NCKAP5: variants seen among roughly 807,000 people sequenced by gnomAD.
The protein encoded by NCKAP5 is nck-associated protein 5.
In NCKAP5, 92 loss-of-function variants were observed where a neutral mutation model predicts 167.0. The observed-to-expected ratio is 0.55, with a 90% CI of 0.47 to 0.66. The LOEUF (loss-of-function observed/expected upper bound fraction) is 0.66. Among genes scored for constraint, NCKAP5 ranks in the 30% least tolerant of loss-of-function variants. NCKAP5 has a pLI of 0.00. For synonymous variants in NCKAP5, 891 were observed against 877.4 expected (o/e 1.02, Z -0.27); for missense variants, 2,378 against 2,315.0 (o/e 1.03, Z -0.56).
At chr2:133,229,894 A>G (rs1444385998) in intron 4 of NCKAP5, among the ~76,000 whole-genome samples, 1 of 152,110 alleles carries the variant, frequency 6.6e-6, no homozygotes, top group African/African-American at 2.4e-5. Flanking sequence ...GCTTGAGTTC[A>G]GACTCCCAGC....
chr2:133,111,776 C>T (rs563083417), intron 6 of NCKAP5, among the ~76,000 whole-genome samples: 9 of 152,286 alleles, frequency 5.9e-5, no homozygotes, highest in Admixed American at 3.3e-4. Context: ...CTCATTCACA[C>T]TGGGCTGTGA....
At chr2:132,992,266 A>G (rs2077471275) in intron 7 of NCKAP5, among the ~76,000 whole-genome samples, 1 of 152,216 alleles carries the variant, frequency 6.6e-6, no homozygotes, top group Non-Finnish European at 1.5e-5. Context: ...TGGGTTATGG[A>G]GAGGTAATAG....
At chr2:133,571,036 A>G (rs1475923598), upstream of NCKAP5, among the ~76,000 whole-genome samples, 1 of 152,194 alleles carries the variant, frequency 6.6e-6, no homozygotes, top group Non-Finnish European at 1.5e-5. Flanking sequence ...AAGAAAAAGA[A>G]TGACTGAAAA....
chr2:133,575,689 G>A, the NCKAP5 span, among the ~76,000 whole-genome samples: 1 of 152,336 alleles, frequency 6.6e-6, no homozygotes, highest in East Asian at 1.9e-4. Flanking sequence ...CTCAGAGGGT[G>A]ATGTCCCTGG....
chr2:133,389,899 G>C (rs1332189332), intron 3 of NCKAP5, among the ~76,000 whole-genome samples: 4 of 152,250 alleles, frequency 2.6e-5, no homozygotes, highest in East Asian at 3.9e-4. Context: ...AAACTGAAAT[G>C]AACCTTCAGA....
intron 4 of NCKAP5, among the ~76,000 whole-genome samples, chr2:133,252,848 G>A (rs555751128): frequency 2.6e-5 from 4 of 152,166 alleles, no homozygotes; most frequent in East Asian, 1.9e-4. Flanking sequence ...GGCAGAATTC[G>A]TTCCAATGTC....
intron 4 of NCKAP5, among the ~76,000 whole-genome samples, chr2:133,245,947 A>G (rs1449715775): frequency 6.6e-6 from 1 of 152,036 alleles, no homozygotes; most frequent in Non-Finnish European, 1.5e-5. Context: ...CAGACACTAA[A>G]CAATTATAAT....
intron 3 of NCKAP5, among the ~76,000 whole-genome samples, chr2:133,364,851 C>G (rs1450982538): frequency 6.6e-6 from 1 of 151,826 alleles, no homozygotes; most frequent in Non-Finnish European, 1.5e-5. Context: ...GCCTCCCAGG[C>G]TCAAGCAATG....
chr2:132,924,143 G>T (rs960007903), intron 8 of NCKAP5, among the ~76,000 whole-genome samples: 2 of 152,190 alleles, frequency 1.3e-5, no homozygotes, highest in Non-Finnish European at 2.9e-5. Flanking sequence ...CCTGGGCAGA[G>T]GCTTTTACAG....
intron 3 of NCKAP5, among the ~76,000 whole-genome samples, chr2:133,367,228 G>T (rs1322870978): frequency 6.6e-6 from 1 of 152,102 alleles, no homozygotes; most frequent in Admixed American, 6.5e-5. Context: ...TGACCTCCTT[G>T]GTATCATGGA....
At chr2:133,010,559 G>C (rs982961268) in intron 6 of NCKAP5, among the ~76,000 whole-genome samples, 3 of 152,170 alleles carry the variant, frequency 2.0e-5, no homozygotes, top group Admixed American at 6.5e-5. Context: ...GGGTGCTCAG[G>C]TTTCCTTTAG....
At chr2:133,304,308 T>C (rs1275372027) in intron 3 of NCKAP5, among the ~76,000 whole-genome samples, 5 of 152,218 alleles carry the variant, frequency 3.3e-5, no homozygotes, top group Non-Finnish European at 5.9e-5. Context: ...AAAAGCCTTT[T>C]TTACCTTCCC....
At chr2:132,677,151 A>T (rs949017504) in intron 19 of NCKAP5, among the ~76,000 whole-genome samples, 8 of 152,148 alleles carry the variant, frequency 5.3e-5, no homozygotes, top group Admixed American at 5.2e-4. Context: ...ATTATGATAA[A>T]ATTAATATAC....
At chr2:133,070,010 G>A (rs985674112) in intron 6 of NCKAP5, among the ~76,000 whole-genome samples, 19 of 152,040 alleles carry the variant, frequency 1.2e-4, no homozygotes, top group East Asian at 5.8e-4. Context: ...TTGGATAGAC[G>A]AACTTTGAAA....
At chr2:133,356,430 C>T (rs898716729) in intron 3 of NCKAP5, among the ~76,000 whole-genome samples, 6 of 152,062 alleles carry the variant, frequency 3.9e-5, no homozygotes, top group African/African-American at 1.4e-4. Context: ...ATTTAATCCC[C>T]ATTTTCTCCA....
At chr2:132,693,195 G>A (rs1177558185) in intron 19 of NCKAP5, among the ~76,000 whole-genome samples, 1 of 152,140 alleles carries the variant, frequency 6.6e-6, no homozygotes, top group African/African-American at 2.4e-5. Flanking sequence ...ACTCTCATGG[G>A]TTGAACTAGG....
chr2:133,230,207 G>C (rs2087079446), intron 4 of NCKAP5, among the ~76,000 whole-genome samples: 1 of 152,118 alleles, frequency 6.6e-6, no homozygotes, highest in Non-Finnish European at 1.5e-5. Context: ...CCTTGGAGCA[G>C]AGCAGCTGAC....
At chr2:133,465,262 G>A (rs1262674272) in intron 3 of NCKAP5, among the ~76,000 whole-genome samples, 1 of 149,362 alleles carries the variant, frequency 6.7e-6, no homozygotes, top group Non-Finnish European at 1.5e-5. Flanking sequence ...TGCGGTGTTT[G>A]GTTTTCTGTT....
intron 19 of NCKAP5, among the ~76,000 whole-genome samples, chr2:132,723,140 AT>A (rs869234028): frequency 0.14 from 12,863 of 93,398 alleles, 401 homozygotes; most frequent in African/African-American, 0.15. Flanking sequence ...GCCAGGTGGT[AT>A]TTTTTTTTTT....
Sources: gnomAD v4.1 joint callset for allele counts (sites outside exome capture counted in the v4.1 genomes callset) on GRCh38, gnomAD v4.1.1 for gene constraint, MANE v1.5 for transcripts, NCBI Gene and HGNC (gene_info 2026-07-23, HGNC 2026-07-21) for gene names.